Variants in LHFPL6 observed in about 807,000 individuals in gnomAD.
LHFPL6 encodes LHFPL tetraspan subfamily member 6.
A neutral mutation model predicts 20.6 loss-of-function variants in LHFPL6; 9 were observed. That is an observed-to-expected ratio of 0.44 (90% CI 0.26 to 0.76). The LOEUF (loss-of-function observed/expected upper bound fraction) is 0.76, where lower values mean the gene tolerates loss of function less well. Among genes scored for constraint, LHFPL6 ranks in the 30% least tolerant of loss-of-function variants. The probability of loss-of-function intolerance (pLI) is 0.20; values close to 1 mark genes in which losing one functional copy is unlikely to be tolerated. For missense variants in LHFPL6, 218 were observed against 253.5 expected, an observed-to-expected ratio of 0.86 and a Z score of 0.95; for synonymous variants, 105 against 98.7, an observed-to-expected ratio of 1.06 and a Z score of -0.38.
intron 2 of LHFPL6, among the ~76,000 whole-genome samples, chr13:39,409,510 G>A (rs779834714): frequency 8.6e-5 from 13 of 151,964 alleles, no homozygotes; most frequent in Non-Finnish European, 1.5e-4. Flanking sequence ...GAGATACTAC[G>A]CATGACCACC....
chr13:39,539,231 G>C (rs1209411761), intron 2 of LHFPL6, among the ~76,000 whole-genome samples: 1 of 151,974 alleles, frequency 6.6e-6, no homozygotes, highest in Non-Finnish European at 1.5e-5. Context: ...CGAAAAGCAG[G>C]AACATATGGT....
At chr13:39,585,035 C>T (rs1381904120) in intron 2 of LHFPL6, among the ~76,000 whole-genome samples, 4 of 152,188 alleles carry the variant, frequency 2.6e-5, no homozygotes, top group Non-Finnish European at 4.4e-5. Flanking sequence ...TGTAAGGAGT[C>T]CACTGCTTTA....
At chr13:39,359,434 T>C (rs750487811) in intron 3 of LHFPL6, among the ~76,000 whole-genome samples, 2 of 152,210 alleles carry the variant, frequency 1.3e-5, no homozygotes, top group South Asian at 2.1e-4. Context: ...CCATGGTGGA[T>C]TGGGTAAAGA....
intron 2 of LHFPL6, among the ~76,000 whole-genome samples, chr13:39,528,607 C>T (rs758957395): frequency 2.6e-5 from 4 of 152,192 alleles, no homozygotes; most frequent in Non-Finnish European, 5.9e-5. Flanking sequence ...TTTCCCATCT[C>T]GCTCTATGAT....
intron 2 of LHFPL6, among the ~76,000 whole-genome samples, chr13:39,518,251 A>G (rs576937638): frequency 3.3e-4 from 50 of 152,300 alleles, no homozygotes; most frequent in African/African-American, 1.2e-3. Context: ...CCCTATTAAT[A>G]ATAATAATGC....
chr13:39,554,411 C>T (rs1221829216), intron 2 of LHFPL6, among the ~76,000 whole-genome samples: 1 of 152,202 alleles, frequency 6.6e-6, no homozygotes, highest in Non-Finnish European at 1.5e-5. Flanking sequence ...AAATGCATGT[C>T]AGGACATATC....
intron 2 of LHFPL6, among the ~76,000 whole-genome samples, chr13:39,384,530 T>C (rs1478441701): frequency 6.6e-6 from 1 of 152,258 alleles, no homozygotes; most frequent in Non-Finnish European, 1.5e-5. Context: ...TTAGCCCATG[T>C]TGTGGAAATC....
intron 3 of LHFPL6, among the ~76,000 whole-genome samples, chr13:39,354,771 T>C (rs1869682404): frequency 6.6e-6 from 1 of 151,962 alleles, no homozygotes; most frequent in Non-Finnish European, 1.5e-5. Flanking sequence ...GTTGGAAGCA[T>C]TAATAACAGA....
intron 2 of LHFPL6, among the ~76,000 whole-genome samples, chr13:39,409,002 G>C (rs1308698909): frequency 1.3e-5 from 2 of 152,196 alleles, no homozygotes; most frequent in Non-Finnish European, 2.9e-5. Flanking sequence ...GCAGGATAGT[G>C]GGAAAGTAGC....
chr13:39,390,040 AC>A (rs1252584507), intron 2 of LHFPL6, among the ~76,000 whole-genome samples: 1 of 152,154 alleles, frequency 6.6e-6, no homozygotes, highest in Non-Finnish European at 1.5e-5. Flanking sequence ...ATTCATTTCT[AC>A]TTAACTTTTT....
chr13:39,545,669 C>A (rs546837986), intron 2 of LHFPL6, among the ~76,000 whole-genome samples: 3 of 152,184 alleles, frequency 2.0e-5, no homozygotes, highest in East Asian at 1.9e-4. Flanking sequence ...TTTGAATATA[C>A]CCTACATACA....
At chr13:39,521,147 G>C (rs1178137556) in intron 2 of LHFPL6, among the ~76,000 whole-genome samples, 1 of 152,142 alleles carries the variant, frequency 6.6e-6, no homozygotes, top group East Asian at 1.9e-4. Context: ...TAAGGTACCT[G>C]CAGCCTTTAA....
rs12585463 is a variant in LHFPL6, at chr13:39,544,488, C to T, written c.385+56344G>A. On this transcript the variant is annotated intron_variant, in intron 2 of 3. Transcript: ENST00000379589. ...CCAATGATACAGAACTACCACTTGT[C>T]TTCACTAAGCTCTCCCTTAACCCAA... Among the ~76,000 whole-genome samples the T allele has an allele frequency of 6.3e-4, 96 of 151,718 alleles. No individual in the cohort carries two copies. In the East Asian group the frequency reaches 0.013, roughly 21 times the overall value.
intron 2 of LHFPL6, among the ~76,000 whole-genome samples, chr13:39,516,421 T>A (rs1304143951): frequency 6.6e-6 from 1 of 152,218 alleles, no homozygotes; most frequent in Admixed American, 6.5e-5. Flanking sequence ...GGGTAACAAA[T>A]CCCTCGAGAG....
intron 2 of LHFPL6, among the ~76,000 whole-genome samples, chr13:39,423,519 G>A (rs1342503616): frequency 6.6e-6 from 1 of 151,886 alleles, no homozygotes. Context: ...CATCTCTTGG[G>A]TTCATGCGAT....
At chr13:39,378,662 A>T in intron 2 of LHFPL6, 136 bp from the exon 3 acceptor site, 1 of 574,898 alleles carries the variant, frequency 1.7e-6, no homozygotes, top group East Asian at 2.8e-5. Flanking sequence ...AACTCTTTTA[A>T]GCAATCTAAG....
rs202121408 is a variant in LHFPL6 at position 39,563,649 on chromosome 13, CAG to C, written c.385+37181_385+37182del. ...GCAGGCAAAGTGGAAATATGGGACT[CAG>C]AACATAATTTCTACTTCCCTGGGAG... is the stretch of plus-strand genomic sequence containing the variant. On this transcript the variant is annotated intron_variant, in intron 2 of 3. Transcript: ENST00000379589. Among the ~76,000 whole-genome samples, 478 of 152,252 alleles carry C rather than the reference CAG, an allele frequency of 3.1e-3. 3 individuals carry two copies. Among genetic ancestry groups the C allele is most frequent in the African/African-American group, 0.01 (435 of 41,528 alleles).
In LHFPL6 at chr13:39,464,659, T is replaced by TCC. The variant is rs1395742555; in HGVS notation, c.386-86134_386-86133insGG. 2.0e-5 allele frequency among the ~76,000 whole-genome samples: 3 copies of TCC among 151,658 alleles called. No individual in the cohort carries two copies. The East Asian group carries it at 5.8e-4, about 29-fold the overall frequency. On this transcript the variant is annotated intron_variant, in intron 2 of 3. Transcript: ENST00000379589. ...TTTATTTTTATAACATTTGAAAGAC[T>TCC]CAATGTAGATAAATTTAACTATTGG...
intron 2 of LHFPL6, among the ~76,000 whole-genome samples, chr13:39,490,075 T>C (rs1290071574): frequency 7.3e-6 from 1 of 136,078 alleles, no homozygotes; most frequent in Non-Finnish European, 1.6e-5. Flanking sequence ...CAACAAGTAA[T>C]AACAGATTAA....
Sources: allele counts gnomAD v4.1 joint callset (sites outside exome capture counted in the v4.1 genomes callset), GRCh38; gene constraint gnomAD v4.1.1; transcripts MANE v1.5; gene names NCBI Gene and HGNC (gene_info 2026-07-23, HGNC 2026-07-21).